Variants in MYH10 observed in about 807,000 individuals in gnomAD.
MYH10 encodes myosin-10.
A neutral mutation model predicts 257.8 loss-of-function variants in MYH10; 55 were observed. That is an observed-to-expected ratio of 0.21 (90% CI 0.17 to 0.27). The LOEUF is 0.27. Ranked by LOEUF, MYH10 falls within the 10% of genes least tolerant of loss-of-function variation. The pLI, the probability that MYH10 is intolerant of heterozygous loss-of-function variation, is 1.00. For missense variants in MYH10, 1,631 were observed against 2,500.6 expected, an observed-to-expected ratio of 0.65 and a Z score of 7.42; for synonymous variants, 854 against 921.7, an observed-to-expected ratio of 0.93 and a Z score of 1.33.
intron 27 of MYH10, among the ~76,000 whole-genome samples, chr17:8,505,775 G>A (rs2081056491): frequency 6.6e-6 from 1 of 152,190 alleles, no homozygotes; most frequent in African/African-American, 2.4e-5. Flanking sequence ...GGGGTCAGGA[G>A]TTTGGGACCA....
chr17:8,591,986 G>A (rs574829788), intron 3 of MYH10, among the ~76,000 whole-genome samples: 64 of 152,262 alleles, frequency 4.2e-4, no homozygotes, highest in African/African-American at 1.3e-3. Flanking sequence ...GCAGGACTAC[G>A]ACAGTTTCCA....
intron 1 of MYH10, 156 bp from the exon 2 acceptor site, chr17:8,623,433 A>G (rs371725429): frequency 8.7e-5 from 53 of 608,034 alleles, no homozygotes; most frequent in Middle Eastern, 4.5e-4. Flanking sequence ...CCGAGTTTCC[A>G]AGGTAAATTT....
rs1404834373 is a variant in MYH10, at chr17:8,616,549, TAAAA to T, written c.345+6349_345+6352del. On this transcript the variant is annotated intron_variant, in intron 2 of 42. Transcript: ENST00000360416. ...AAACACCATTTAAATAATATTCAAA[TAAAA>T]TAAAATACCCAAAAATAAATAACAA... is the stretch of plus-strand genomic sequence containing the variant. Among the ~76,000 whole-genome samples the T allele has an allele frequency of 3.3e-5, 5 of 151,930 alleles. No individual in the cohort carries two copies. The South Asian group carries it at 1.0e-3, about 32-fold the overall frequency.
Position 8,477,107 on chromosome 17 carries a change from C to T in MYH10, c.5707-59G>A. 3 of 1,594,638 alleles carry T rather than the reference C, an allele frequency of 1.9e-6. No homozygotes were observed. The highest frequency in any genetic ancestry group is 2.6e-6 in the Non-Finnish European group (3 of 1,167,852). The stretch of plus-strand genomic sequence containing the variant: ...ACTGGTGAATCCAGTGTCGGCCTCT[C>T]TGTACCCCGAGCGTGGCAGTGTGGG... On this transcript the variant is annotated intron_variant, in intron 41 of 42. Coordinates refer to ENST00000360416, the MANE Select transcript of MYH10 (RefSeq NM_001256012.3). The surrounding 1 kb of genome is among the most constrained non-coding windows in gnomAD (Gnocchi z 4.2).
At position 8,500,893 on chromosome 17, in the gene MYH10, T is replaced by C; in HGVS notation, c.3677A>G (p.Gln1226Arg). The change falls in exon 29 of 43, where the codon CAG (glutamine) becomes CGG (arginine). Residue 1226 changes from glutamine (Q) to arginine (R), a missense_variant. Around this residue, in one of 11 missense-constraint regions of MYH10, gnomAD observed 463 missense variants for 621.8 expected, o/e 0.74. Transcript: ENST00000360416. ...EETKNHEAQI[Q>R]DMRQRHATAL... ...TGTTGCGTGTCTTTGTCTCATGTCCTGGATTTGAGCTTCATGGTTCTTAGT... is the reference window on the plus strand; with the variant it reads ...TGTTGCGTGTCTTTGTCTCATGTCCCGGATTTGAGCTTCATGGTTCTTAGT... 1.2e-6 allele frequency: 2 copies of C among 1,614,174 alleles called. No homozygotes were observed. Among genetic ancestry groups the C allele is most frequent in the Non-Finnish European group, 1.7e-6 (2 of 1,180,038 alleles).
At chr17:8,623,885 G>C (rs1312177758) in intron 1 of MYH10, among the ~76,000 whole-genome samples, 3 of 152,120 alleles carry the variant, frequency 2.0e-5, no homozygotes, top group African/African-American at 7.2e-5. Context: ...GCATAACTTG[G>C]CTTCACACGG....
intron 2 of MYH10, among the ~76,000 whole-genome samples, chr17:8,609,058 G>A (rs1241150088): frequency 2.0e-5 from 3 of 152,138 alleles, no homozygotes; most frequent in Non-Finnish European, 4.4e-5. Flanking sequence ...TGATCTGCCC[G>A]CCTTGGCCTC....
chr17:8,567,660 G>A (rs1014433903), intron 7 of MYH10, among the ~76,000 whole-genome samples: 4 of 152,048 alleles, frequency 2.6e-5, no homozygotes, highest in African/African-American at 7.2e-5. Flanking sequence ...ACACACAGAG[G>A]GAAGGCCACG....
intron 3 of MYH10, among the ~76,000 whole-genome samples, chr17:8,589,463 TA>T (rs1253550935): frequency 7.2e-5 from 11 of 152,188 alleles, no homozygotes; most frequent in Admixed American, 7.2e-4. Flanking sequence ...TCCACCTCAC[TA>T]AATCATTCAA....
At chr17:8,522,928 G>A (rs1041075626) in intron 17 of MYH10, among the ~76,000 whole-genome samples, 10 of 152,032 alleles carry the variant, frequency 6.6e-5, no homozygotes, top group African/African-American at 2.4e-4. Flanking sequence ...GCTTTTTTAG[G>A]AGCTCCACCT....
At chr17:8,578,926 A>T (rs1278133761) in intron 4 of MYH10, among the ~76,000 whole-genome samples, 1 of 152,236 alleles carries the variant, frequency 6.6e-6, no homozygotes, top group Admixed American at 6.5e-5. Flanking sequence ...CTAAGCATTT[A>T]ATCTAAGGAT....
rs1049161710 is a variant in MYH10, at chr17:8,492,525, T to C, written c.4459-16A>G. On this transcript the variant is annotated splice_polypyrimidine_tract_variant and intron_variant, in intron 33 of 42. Coordinates refer to ENST00000360416, the MANE Select transcript of MYH10 (RefSeq NM_001256012.3). ...CTGCTAACAGCTGTGCAGAAGGGGATGGGGGAATACGAAAAACCGAAACAG... is the reference window on the plus strand; with the variant it reads ...CTGCTAACAGCTGTGCAGAAGGGGACGGGGGAATACGAAAAACCGAAACAG... 8 of 1,595,452 alleles carry C rather than the reference T, an allele frequency of 5.0e-6. No homozygotes were observed. Among genetic ancestry groups the C allele is most frequent in the Non-Finnish European group, 6.8e-6 (8 of 1,170,632 alleles).
intron 21 of MYH10, 102 bp downstream of exon 21, chr17:8,518,529 C>T: frequency 1.6e-6 from 2 of 1,263,086 alleles, no homozygotes; most frequent in Non-Finnish European, 2.2e-6. Context: ...TCTGTAAGGA[C>T]AGACTATGTC....
chr17:8,540,216 C>G (rs2082256206), intron 14 of MYH10, among the ~76,000 whole-genome samples: 1 of 152,238 alleles, frequency 6.6e-6, no homozygotes, highest in East Asian at 1.9e-4. Flanking sequence ...GTCTCGACCT[C>G]CTGACCTGAC....
At chr17:8,586,710 G>C (rs865812256) in intron 4 of MYH10, among the ~76,000 whole-genome samples, 1 of 152,104 alleles carries the variant, frequency 6.6e-6, no homozygotes, top group African/African-American at 2.4e-5. Flanking sequence ...AAGTGCTAGC[G>C]TCTGTACTGG....
Position 8,490,376 on chromosome 17 carries a change from C to T in MYH10, c.4848G>A (p.Glu1616=). Reference sequence around the variant, plus strand: ...GCAGCCGCTTCTTCTCTTCATTCTGCTCATCCCTGGTTTGCAGGTCTCTCT... The same window carrying T: ...GCAGCCGCTTCTTCTCTTCATTCTGTTCATCCCTGGTTTGCAGGTCTCTCT... ...QFERDLQTRD[E]QNEEKKRLLI... is the part of the protein sequence containing the mutation. Residue 1616 remains glutamate, a synonymous_variant, in exon 35 of 43, where the codon GAG becomes GAA. Transcript: ENST00000360416. This position sits in a 1 kb window ranked among gnomAD's most constrained non-coding sequence, Gnocchi z 4.1. The T allele has an allele frequency of 6.2e-7, 1 of 1,614,132 alleles. No homozygotes were observed. The highest frequency in any genetic ancestry group is 8.5e-7 in the Non-Finnish European group (1 of 1,180,026).
At chr17:8,537,578 G>A (rs1223939799) in intron 14 of MYH10, among the ~76,000 whole-genome samples, 1 of 152,144 alleles carries the variant, frequency 6.6e-6, no homozygotes, top group Non-Finnish European at 1.5e-5. Flanking sequence ...AGCTCAGAGT[G>A]GCAGGTAACT....
intron 34 of MYH10, 90 bp downstream of exon 34, chr17:8,492,207 T>TTCCCAGGTCCTTCAGGCC: frequency 7.8e-7 from 1 of 1,282,298 alleles, no homozygotes; most frequent in Non-Finnish European, 1.1e-6. Flanking sequence ...TCCTTCAGGC[T>TTCCCAGGTCCTTCAGGCC]CCCCTGAGGA....
At chr17:8,570,115 A>T (rs764607500) in intron 6 of MYH10, among the ~76,000 whole-genome samples, 2 of 152,248 alleles carry the variant, frequency 1.3e-5, no homozygotes, top group African/African-American at 2.4e-5. Flanking sequence ...AAAATAAAAC[A>T]GACTGGCTTT....
Sources: gnomAD v4.1 joint callset for allele counts (sites outside exome capture counted in the v4.1 genomes callset) on GRCh38, gnomAD v4.1.1 for gene constraint, gnomAD v4.1.1 regional missense constraint, Gnocchi (gnomAD v3.1) non-coding constraint, MANE v1.5 for transcripts, NCBI Gene and HGNC (gene_info 2026-07-23, HGNC 2026-07-21) for gene names.